Variants in TXLNB observed in about 807,000 individuals in gnomAD.
The protein encoded by TXLNB is taxilin beta.
Under a neutral mutation model 57.4 loss-of-function variants are expected in TXLNB, and 37 were observed. The observed-to-expected ratio is 0.64, with a 90% CI of 0.50 to 0.85. The LOEUF (loss-of-function observed/expected upper bound fraction) is 0.85. Ranked by LOEUF, TXLNB falls within the 40% of genes least tolerant of loss-of-function variation. The probability of loss-of-function intolerance (pLI) is 0.00; values close to 1 mark genes in which losing one functional copy is unlikely to be tolerated. For missense variants in TXLNB, 848 were observed against 825.6 expected, an observed-to-expected ratio of 1.03 and a Z score of -0.33; for synonymous variants, 302 against 309.6, an observed-to-expected ratio of 0.98 and a Z score of 0.26.
At chr6:139,250,645 A>G (rs1776181335) in intron 7 of TXLNB, among the ~76,000 whole-genome samples, 1 of 151,886 alleles carries the variant, frequency 6.6e-6, no homozygotes, top group East Asian at 1.9e-4. Context: ...TTTCCAACTT[A>G]TCAGTAACTC....
intron 4 of TXLNB, among the ~76,000 whole-genome samples, chr6:139,263,298 T>C (rs1387868470): frequency 1.3e-5 from 2 of 152,180 alleles, no homozygotes; most frequent in Admixed American, 1.3e-4. Context: ...GAAAAAACTT[T>C]CATCAAAAAG....
chr6:139,304,463 A>T, the TXLNB span, among the ~76,000 whole-genome samples: 1 of 152,234 alleles, frequency 6.6e-6, no homozygotes, highest in Admixed American at 6.5e-5. Flanking sequence ...AATCAGTACC[A>T]CGATGCACAA....
At chr6:139,199,871 T>A in the TXLNB span, 1 of 152,182 alleles carries the variant, frequency 6.6e-6, no homozygotes, top group East Asian at 1.9e-4. Context: ...TTTTAAGGAT[T>A]TAAGACTCAA....
the TXLNB span, among the ~76,000 whole-genome samples, chr6:139,218,510 T>C: frequency 6.6e-6 from 1 of 152,140 alleles, no homozygotes; most frequent in Non-Finnish European, 1.5e-5. Flanking sequence ...CCCAGCACTT[T>C]GGGAGGCCAA....
At chr6:139,264,598 C>T (rs1205516561) in intron 4 of TXLNB, among the ~76,000 whole-genome samples, 1 of 152,016 alleles carries the variant, frequency 6.6e-6, no homozygotes, top group Non-Finnish European at 1.5e-5. Flanking sequence ...CTCACTCTGT[C>T]GCCCAGGCTG....
chr6:139,253,145 C>T (rs1443483049), intron 7 of TXLNB, among the ~76,000 whole-genome samples: 3 of 152,122 alleles, frequency 2.0e-5, no homozygotes, highest in South Asian at 2.1e-4. Flanking sequence ...ATGATTATAT[C>T]GCCAAACCTA....
the TXLNB span, among the ~76,000 whole-genome samples, chr6:139,306,628 G>A: frequency 7.2e-5 from 11 of 152,114 alleles, no homozygotes; most frequent in East Asian, 1.9e-4. Flanking sequence ...AAATATTCCC[G>A]CTTTCTTCAA....
At chr6:139,199,219 A>T in the TXLNB span, among the ~76,000 whole-genome samples, 1 of 151,820 alleles carries the variant, frequency 6.6e-6, no homozygotes, top group African/African-American at 2.4e-5. Flanking sequence ...TTTTTTGCAA[A>T]CTAAATTATT....
the TXLNB span, among the ~76,000 whole-genome samples, chr6:139,225,730 A>G: frequency 6.6e-6 from 1 of 152,196 alleles, no homozygotes; most frequent in Non-Finnish European, 1.5e-5. Flanking sequence ...CAATATTGTG[A>G]AAACCTCAAT....
the TXLNB span, among the ~76,000 whole-genome samples, chr6:139,321,157 C>A: frequency 6.6e-6 from 1 of 152,202 alleles, no homozygotes; most frequent in African/African-American, 2.4e-5. Context: ...GGGGTTCCGT[C>A]ACTGGACCTT....
the TXLNB span, among the ~76,000 whole-genome samples, chr6:139,167,929 C>G: frequency 6.6e-6 from 1 of 152,126 alleles, no homozygotes; most frequent in South Asian, 2.1e-4. Context: ...AATTGAATGA[C>G]ACGAGGTTGG....
chr6:139,243,020 T>C lies in TXLNB; in HGVS notation c.1561A>G (p.Lys521Glu), dbSNP rs1485127686. The C allele has an allele frequency of 1.2e-6, 2 of 1,614,136 alleles. No individual in the cohort carries two copies. Among genetic ancestry groups the C allele is most frequent in the Non-Finnish European group, 1.7e-6 (2 of 1,180,016 alleles). Residue 521 changes from lysine (K) to glutamate (E), a missense_variant, in exon 10 of 10, where the codon AAA becomes GAA. Lys to Glu is a moderately conservative substitution (Grantham distance 56, BLOSUM62 1). Coordinates refer to ENST00000358430, the MANE Select transcript of TXLNB (RefSeq NM_153235.4). ...CTGCCTATTTCGGGTTGGGTTTCTT[T>C]GGACTGGTGCGGGGTTGACTCTGGA... ...HHPESTPHQS[K>E]ETQPEIGSSQ...
At chr6:139,269,432 G>T (rs1384830725) in intron 4 of TXLNB, among the ~76,000 whole-genome samples, 1 of 152,156 alleles carries the variant, frequency 6.6e-6, no homozygotes, top group African/African-American at 2.4e-5. Flanking sequence ...CCCCCATTCG[G>T]CCTGGGAGTC....
chr6:139,263,369 G>T (rs910387034), intron 4 of TXLNB, among the ~76,000 whole-genome samples: 2 of 152,106 alleles, frequency 1.3e-5, no homozygotes, highest in South Asian at 4.1e-4. Context: ...ATATAAAAGG[G>T]AATCTTTCCA....
chr6:139,203,209 A>G, the TXLNB span, among the ~76,000 whole-genome samples: 1 of 152,104 alleles, frequency 6.6e-6, no homozygotes, highest in Admixed American at 6.5e-5. Flanking sequence ...CGCTACACAT[A>G]TTTTCTTTCC....
In TXLNB at chr6:139,242,476, T is replaced by C; in HGVS notation, c.*50A>G. ...GCCTTTTTCGGAAGACAAGCTGTTATGCTGAATATGCAAAGAGGCAGGAAG... is the reference window on the plus strand; with the variant it reads ...GCCTTTTTCGGAAGACAAGCTGTTACGCTGAATATGCAAAGAGGCAGGAAG... On this transcript the variant is annotated 3_prime_UTR_variant, in exon 10 of 10. Coordinates refer to ENST00000358430, the MANE Select transcript of TXLNB (RefSeq NM_153235.4). 1 of 1,428,730 alleles carries C rather than the reference T, an allele frequency of 7.0e-7. No homozygotes were observed. The highest frequency in any genetic ancestry group is 9.2e-7 in the Non-Finnish European group (1 of 1,084,472). 88.5% of individuals were successfully genotyped at this position (1,428,730 alleles called of 1,614,324 possible).
chr6:139,264,022 T>A lies in TXLNB; in HGVS notation c.688-1249A>T, dbSNP rs370006895. ...ATCATTAGGTTTCTTCTTTCCTCTA[T>A]AATAACAACACATTTCCCAACTCTA... On this transcript the variant is annotated intron_variant, in intron 4 of 9. Transcript: ENST00000358430. Among the ~76,000 whole-genome samples the A allele has an allele frequency of 9.8e-4, 149 of 152,338 alleles. 5 individuals are homozygous for A. In the South Asian group the frequency reaches 0.022, roughly 23 times the overall value.
intron 3 of TXLNB, among the ~76,000 whole-genome samples, chr6:139,272,071 T>G (rs1415218041): frequency 6.6e-6 from 1 of 151,998 alleles, no homozygotes; most frequent in Non-Finnish European, 1.5e-5. Context: ...CACTTTTGGA[T>G]GCTGAGGCAG....
chr6:139,320,581 G>A, the TXLNB span, among the ~76,000 whole-genome samples: 1 of 151,860 alleles, frequency 6.6e-6, no homozygotes. Flanking sequence ...TACTTAATTT[G>A]TAAAACTCCA....
Sources: allele counts gnomAD v4.1 joint callset (sites outside exome capture counted in the v4.1 genomes callset), GRCh38; gene constraint gnomAD v4.1.1; transcripts MANE v1.5; gene names NCBI Gene and HGNC (gene_info 2026-07-23, HGNC 2026-07-21).